QTGAL: variants seen among roughly 807,000 people sequenced by gnomAD.
QTGAL encodes queuosine-tRNA galactosyltransferase, also known as BGnT-like protein 1.
At chr17:82,976,339 C>A in the QTGAL span, among the ~76,000 whole-genome samples, 1 of 74,004 alleles carries the variant, frequency 1.4e-5, no homozygotes, top group African/African-American at 9.3e-5. Context: ...ACGAGGGCCC[C>A]GGGACAGAGC....
the QTGAL span, chr17:83,006,474 G>A: frequency 4.3e-5 from 42 of 983,630 alleles, 1 homozygote; most frequent in South Asian, 1.8e-3. This position sits in a 1 kb window ranked among gnomAD's most constrained non-coding sequence, Gnocchi z 5.8. Context: ...CACTTCCTCT[G>A]GTGGTAACAT....
chr17:82,949,832 A>C, the QTGAL span: 2 of 152,214 alleles, frequency 1.3e-5, no homozygotes, highest in Admixed American at 1.3e-4. Context: ...AACAGTTTTT[A>C]TCTCCTTGAG....
the QTGAL span, among the ~76,000 whole-genome samples, chr17:82,969,191 G>A: frequency 1.3e-5 from 2 of 151,294 alleles, no homozygotes; most frequent in African/African-American, 2.4e-5. Flanking sequence ...ACAGAGTCTC[G>A]CTCTGTCGCC....
the QTGAL span, among the ~76,000 whole-genome samples, chr17:82,953,535 C>G: frequency 3.3e-5 from 5 of 152,142 alleles, no homozygotes; most frequent in Non-Finnish European, 7.3e-5. Context: ...CCCTACCAAC[C>G]AAGAAAAGCT....
chr17:83,040,195 G>A, the QTGAL span, among the ~76,000 whole-genome samples: 1 of 152,166 alleles, frequency 6.6e-6, no homozygotes, highest in Non-Finnish European at 1.5e-5. Flanking sequence ...ATATCTTAGG[G>A]TGAGACTCAG....
At chr17:83,021,069 TTAA>T in the QTGAL span, among the ~76,000 whole-genome samples, 5 of 152,254 alleles carry the variant, frequency 3.3e-5, no homozygotes, top group African/African-American at 1.2e-4. Context: ...TTATGATACT[TTAA>T]TGATACTTTA....
At chr17:83,040,225 C>T in the QTGAL span, among the ~76,000 whole-genome samples, 1 of 152,174 alleles carries the variant, frequency 6.6e-6, no homozygotes, top group Non-Finnish European at 1.5e-5. Context: ...TTCTAAAACT[C>T]ACTGATGATT....
the QTGAL span, chr17:82,965,830 C>A: frequency 7.3e-7 from 1 of 1,367,794 alleles, no homozygotes; most frequent in East Asian, 2.5e-5. Flanking sequence ...CAAAGTGTCA[C>A]GAGAAAGTGA....
chr17:82,999,677 T>G, the QTGAL span, among the ~76,000 whole-genome samples: 2 of 152,242 alleles, frequency 1.3e-5, no homozygotes, highest in Non-Finnish European at 2.9e-5. Context: ...TTTATGGTAC[T>G]GTACTGTATT....
chr17:82,988,919 C>T, the QTGAL span, among the ~76,000 whole-genome samples: 27 of 152,140 alleles, frequency 1.8e-4, no homozygotes, highest in Non-Finnish European at 3.5e-4. Flanking sequence ...GTAAATTAGT[C>T]CAACCATTGT....
the QTGAL span, among the ~76,000 whole-genome samples, chr17:83,045,753 A>T: frequency 6.6e-6 from 1 of 152,216 alleles, no homozygotes; most frequent in African/African-American, 2.4e-5. Context: ...CATACAGCTC[A>T]ATTTTTAAAA....
the QTGAL span, among the ~76,000 whole-genome samples, chr17:82,976,623 G>T: frequency 1.9e-5 from 1 of 52,978 alleles, no homozygotes; most frequent in African/African-American, 1.3e-4. Context: ...GGGACCAGAG[G>T]CCACTATGGA....
chr17:82,957,065 C>G, the QTGAL span: 2 of 1,426,820 alleles, frequency 1.4e-6, no homozygotes. Flanking sequence ...CTGGAGGCCC[C>G]GAGGAGCCAG....
the QTGAL span, among the ~76,000 whole-genome samples, chr17:83,045,933 T>C: frequency 0.41 from 61,861 of 149,842 alleles, 12,681 homozygotes; most frequent in East Asian, 0.59. Context: ...AAGCAATTCT[T>C]CTGTCTCAGC....
At chr17:82,974,069 C>T in the QTGAL span, among the ~76,000 whole-genome samples, 4 of 152,354 alleles carry the variant, frequency 2.6e-5, no homozygotes, top group Admixed American at 2.6e-4. Flanking sequence ...ACTGCCACTG[C>T]AGTGCTGTTT....
At chr17:83,008,757 G>A in the QTGAL span, among the ~76,000 whole-genome samples, 1 of 152,234 alleles carries the variant, frequency 6.6e-6, no homozygotes, top group African/African-American at 2.4e-5. Context: ...GCCCAGCCCG[G>A]ATCCCTGCCA....
the QTGAL span, among the ~76,000 whole-genome samples, chr17:82,964,964 G>A: frequency 7.0e-6 from 1 of 142,082 alleles, no homozygotes; most frequent in East Asian, 2.2e-4. Flanking sequence ...ACAGGAGAAC[G>A]GGGACATGGA....
At chr17:82,946,688 G>A in the QTGAL span, among the ~76,000 whole-genome samples, 91,324 of 151,950 alleles carry the variant, frequency 0.6, 28,238 homozygotes, top group South Asian at 0.83. Context: ...AACAGATAGA[G>A]TTCACCTAAA....
chr17:82,969,134 G>GAA, the QTGAL span, among the ~76,000 whole-genome samples: 195 of 141,746 alleles, frequency 1.4e-3, 1 homozygote, highest in East Asian at 0.02. Flanking sequence ...TCCATTTCAG[G>GAA]AAAAAAAAAA....
Sources: gnomAD v4.1 joint callset for allele counts (sites outside exome capture counted in the v4.1 genomes callset) on GRCh38, gnomAD v4.1.1 for gene constraint, Gnocchi (gnomAD v3.1) non-coding constraint, MANE v1.5 for transcripts, NCBI Gene and HGNC (gene_info 2026-07-23, HGNC 2026-07-21) for gene names.